BRWD1: variants seen among roughly 807,000 people sequenced by gnomAD.
BRWD1 encodes bromodomain and WD repeat domain containing 1.
BRWD1 carries 82 observed loss-of-function variants against 251.2 expected under a neutral mutation model. The ratio of observed to expected loss-of-function variants is 0.33; its 90% confidence interval spans 0.27 to 0.39. The LOEUF (loss-of-function observed/expected upper bound fraction) is 0.39. Ranked by LOEUF, BRWD1 falls within the 10% of genes least tolerant of loss-of-function variation. The pLI is 1.00. For missense variants in BRWD1, 2,233 were observed against 2,711.6 expected (o/e 0.82, Z 3.92); for synonymous variants, 918 against 902.8 (o/e 1.02, Z -0.30).
chr21:39,193,625 CCAT>C lies in BRWD1; in HGVS notation c.*2631_*2633del. On this transcript the variant is annotated 3_prime_UTR_variant, in exon 41 of 41. Transcript: ENST00000342449. ...AAGTAGTTTTTGTTTTTCACATACA[CCAT>C]TAAGTTGAACTTCAAGTGCAGTGGA... 1 of 985,422 alleles carries C rather than the reference CCAT, an allele frequency of 1.0e-6. No individual in the cohort carries two copies. Among genetic ancestry groups the C allele is most frequent in the South Asian group, 4.7e-5 (1 of 21,284 alleles). The allele number at this position is 985,422 out of a possible 1,614,324, so 61.0% of individuals were successfully genotyped here.
At chr21:39,283,619 G>T (rs183602825) in intron 8 of BRWD1, among the ~76,000 whole-genome samples, 121 of 152,272 alleles carry the variant, frequency 7.9e-4, no homozygotes, top group Non-Finnish European at 1.5e-3. Flanking sequence ...GTTCTAACAA[G>T]TTTTAACAGA....
chr21:39,222,200 T>C lies in BRWD1; in HGVS notation c.3382+2208A>G, dbSNP rs189789816. 7.5e-4 allele frequency among the ~76,000 whole-genome samples: 114 copies of C among 152,150 alleles called. 1 individual carries two copies. The highest frequency in any genetic ancestry group is 2.7e-3 in the African/African-American group (110 of 41,506). ...GTAACCCAGCAATGCCACTCCTACA[T>C]ATGTACCCAAAAGAAAAAAAAACTT... is the stretch of plus-strand genomic sequence containing the variant. On this transcript the variant is annotated intron_variant, in intron 29 of 40. Transcript: ENST00000342449.
At chr21:39,313,371 G>A in intron 1 of BRWD1, 72 bp from the exon 2 acceptor site, 2 of 1,477,082 alleles carry the variant, frequency 1.4e-6, no homozygotes, top group Non-Finnish European at 1.8e-6. Flanking sequence ...GGAGCCGGGG[G>A]AGCCCGGGGA....
At position 39,313,226 on chromosome 21, in the gene BRWD1, C is replaced by T. The variant is rs2036574339; in HGVS notation, c.108+15G>A. ...GGGACGCCAAGTCCGCAGCCGCCCG[C>T]GGGCCCGCACTCACCTGGGCCGCTC... is the stretch of plus-strand genomic sequence containing the variant. On this transcript the variant is annotated intron_variant, in intron 2 of 40. Coordinates refer to ENST00000342449, the MANE Select transcript of BRWD1 (RefSeq NM_033656.4). 2.0e-6 allele frequency: 3 copies of T among 1,524,578 alleles called. No homozygotes were observed. The highest frequency in any genetic ancestry group is 1.4e-5 in the African/African-American group (1 of 69,584). 94.4% of individuals were successfully genotyped at this position (1,524,578 alleles called of 1,614,324 possible). A position where few individuals can be genotyped will look rare whatever the true frequency, so the allele number is the denominator to read the frequency against.
intron 30 of BRWD1, 58 bp downstream of exon 30, chr21:39,218,447 T>C (rs1366498058): frequency 1.3e-6 from 2 of 1,484,728 alleles, no homozygotes; most frequent in Non-Finnish European, 1.8e-6. Flanking sequence ...TATTTTTAAA[T>C]ACCTTTATGA....
chr21:39,289,091 G>T (rs969181263), intron 8 of BRWD1, among the ~76,000 whole-genome samples: 1 of 152,146 alleles, frequency 6.6e-6, no homozygotes, highest in African/African-American at 2.4e-5. Context: ...TAATGTACTT[G>T]CAAGTAATAT....
intron 31 of BRWD1, chr21:39,217,008 CAAATATATATATATATATATATATAT>C: frequency 6.2e-5 from 5 of 80,442 alleles, no homozygotes; most frequent in Non-Finnish European, 1.2e-4. Context: ...TTAGCTCCCA[CAAATATATATATATATATATATATAT>C]AAATATATAT....
Position 39,194,518 on chromosome 21 carries a change from G to A in BRWD1, c.*1741C>T. ...AGAAAAGCATCATAGTTCTGAAATG[G>A]TGATAGCTCTCTAAGCCACAAATGA... On this transcript the variant is annotated 3_prime_UTR_variant, in exon 41 of 41. Coordinates refer to ENST00000342449, the MANE Select transcript of BRWD1 (RefSeq NM_033656.4). 1 of 1,428,728 alleles carries A rather than the reference G, an allele frequency of 7.0e-7. No homozygotes were observed. The highest frequency in any genetic ancestry group is 9.1e-7 in the Non-Finnish European group (1 of 1,097,068). The allele number at this position is 1,428,728 out of a possible 1,614,324, so 88.5% of individuals were successfully genotyped here.
intron 4 of BRWD1, among the ~76,000 whole-genome samples, chr21:39,310,241 C>T (rs538250299): frequency 6.6e-5 from 10 of 152,310 alleles, no homozygotes; most frequent in South Asian, 2.1e-4. Context: ...GTTGGCCAGG[C>T]GCAGTGGCTC....
At chr21:39,307,394 TTAC>T (rs10538939) in intron 4 of BRWD1, among the ~76,000 whole-genome samples, 7,928 of 152,252 alleles carry the variant, frequency 0.052, 690 homozygotes, top group African/African-American at 0.18. Flanking sequence ...ACAAAACTTG[TTAC>T]TACATCAGAA....
Position 39,196,982 on chromosome 21 carries a change from C to T in BRWD1, c.6087G>A (p.Lys2029=). The T allele has an allele frequency of 1.9e-6, 3 of 1,614,012 alleles. No homozygotes were observed. In the South Asian group the frequency reaches 3.3e-5, roughly 18 times the overall value. ...DSEDMLNSEH[K]HRHTNIHKID... is the part of the protein sequence containing the mutation. Reference sequence around the variant, plus strand: ...TTTTGTGAATATTGGTATGCCTGTGCTTGTGTTCTGAATTCAACATATCTT... The same window carrying T: ...TTTTGTGAATATTGGTATGCCTGTGTTTGTGTTCTGAATTCAACATATCTT... The change falls in exon 41 of 41, where the codon AAG becomes AAA. Residue 2029 remains lysine (K), a synonymous_variant. Transcript: ENST00000342449.
chr21:39,249,934 G>A (rs2034338383), intron 20 of BRWD1, among the ~76,000 whole-genome samples: 1 of 141,968 alleles, frequency 7.0e-6, no homozygotes, highest in African/African-American at 2.5e-5. Flanking sequence ...GTGTGTGTGT[G>A]TGTGTGTGTG....
intron 31 of BRWD1, chr21:39,217,036 A>ATATATAT (rs2032946213): frequency 4.9e-5 from 1 of 20,424 alleles, no homozygotes; most frequent in East Asian, 9.8e-4. Flanking sequence ...TATATATATA[A>ATATATAT]ATATATATAT....
intron 8 of BRWD1, among the ~76,000 whole-genome samples, chr21:39,281,304 C>T (rs1364774876): frequency 6.6e-6 from 1 of 152,102 alleles, no homozygotes; most frequent in Non-Finnish European, 1.5e-5. Context: ...CAAGAGGGAA[C>T]CCAGTTAATC....
chr21:39,248,641 C>CAAAAAAAAAAA (rs375430016), intron 20 of BRWD1, among the ~76,000 whole-genome samples: 6 of 83,298 alleles, frequency 7.2e-5, no homozygotes, highest in East Asian at 8.0e-4. Context: ...CCCTATCTCC[C>CAAAAAAAAAAA]AAAAAAAAAA....
In BRWD1 at chr21:39,294,015, C is replaced by T. The variant is rs761572106; in HGVS notation, c.627G>A (p.Leu209=). 2 of 1,613,932 alleles carry T rather than the reference C, an allele frequency of 1.2e-6. No individual in the cohort carries two copies. Among genetic ancestry groups the T allele is most frequent in the Non-Finnish European group, 1.7e-6 (2 of 1,179,880 alleles). The change falls in exon 8 of 41, where the codon TTG becomes TTA. Residue 209 remains leucine, a synonymous_variant. Coordinates refer to ENST00000342449, the MANE Select transcript of BRWD1 (RefSeq NM_033656.4). ...CATTATGTGTTGACCAAATCTTTAC[C>T]AAACAGTCATCTGAACCCTAAGAAA... ...HRIFTGSDDC[L]VKIWSTHNGR...
chr21:39,206,088 G>A lies in BRWD1; in HGVS notation c.4364+20C>T, dbSNP rs74276582. 13,338 of 1,583,766 alleles carry A rather than the reference G, an allele frequency of 8.4e-3. 909 individuals are homozygous for A. The Admixed American group carries it at 0.16, about 18-fold the overall frequency. On this transcript the variant is annotated intron_variant, in intron 37 of 40. Transcript: ENST00000342449. The stretch of plus-strand genomic sequence containing the variant: ...AAAATTAAATAAATAAATAAAGCAA[G>A]CTTGCCATAACCAGTTTACCTGATA...
chr21:39,224,980 GA>G (rs1233043805), intron 28 of BRWD1, 105 bp downstream of exon 28: 3 of 845,464 alleles, frequency 3.5e-6, no homozygotes, highest in Non-Finnish European at 5.8e-6. Flanking sequence ...ATGACTTAAT[GA>G]CAGATAAAAA....
chr21:39,301,349 G>A (rs1233610249), intron 4 of BRWD1, among the ~76,000 whole-genome samples: 2 of 152,152 alleles, frequency 1.3e-5, no homozygotes, highest in Non-Finnish European at 2.9e-5. Flanking sequence ...GGTTACAATT[G>A]TGACTTCTGT....
Sources: gnomAD v4.1 joint callset for allele counts (sites outside exome capture counted in the v4.1 genomes callset) on GRCh38, gnomAD v4.1.1 for gene constraint, MANE v1.5 for transcripts, NCBI Gene and HGNC (gene_info 2026-07-23, HGNC 2026-07-21) for gene names.